The following NRXN3 variants were observed in gnomAD, a reference collection of about 807,000 sequenced individuals.
NRXN3 encodes the protein neurexin 3.
NRXN3 carries 32 observed loss-of-function variants against 137.6 expected under a neutral mutation model. The observed-to-expected ratio is 0.23, with a 90% CI of 0.18 to 0.31. The LOEUF (loss-of-function observed/expected upper bound fraction) is 0.31, where lower values mean the gene tolerates loss of function less well. Among genes scored for constraint, NRXN3 ranks in the 10% least tolerant of loss-of-function variants. The pLI, the probability that NRXN3 is intolerant of heterozygous loss-of-function variation, is 1.00. For synonymous variants in NRXN3, 798 were observed against 784.5 expected (o/e 1.02, Z -0.29); for missense variants, 1,574 against 2,062.5 (o/e 0.76, Z 4.59).
At chr14:79,588,776 T>A (rs2097780660) in intron 16 of NRXN3, among the ~76,000 whole-genome samples, 1 of 152,214 alleles carries the variant, frequency 6.6e-6, no homozygotes, top group Non-Finnish European at 1.5e-5. Context: ...TGAGTTTTCA[T>A]GTCTGTTTTT....
intron 10 of NRXN3, among the ~76,000 whole-genome samples, chr14:78,920,016 A>T (rs2099266728): frequency 6.6e-6 from 1 of 152,220 alleles, no homozygotes; most frequent in Non-Finnish European, 1.5e-5. Context: ...TGAAATAAAG[A>T]AGTTGAAATT....
intron 8 of NRXN3, among the ~76,000 whole-genome samples, chr14:78,723,454 T>C (rs2098469331): frequency 6.6e-6 from 1 of 152,236 alleles, no homozygotes; most frequent in Non-Finnish European, 1.5e-5. Flanking sequence ...TGCTTCTTCC[T>C]TTCTTCTGAG....
intron 19 of NRXN3, among the ~76,000 whole-genome samples, chr14:79,753,362 C>T (rs2099005666): frequency 1.3e-5 from 2 of 151,854 alleles, no homozygotes; most frequent in Admixed American, 1.3e-4. Context: ...AAATGTGGCA[C>T]ATATATACCA....
chr14:79,290,537 C>T (rs1315405109), intron 15 of NRXN3, among the ~76,000 whole-genome samples: 1 of 151,900 alleles, frequency 6.6e-6, no homozygotes, highest in Non-Finnish European at 1.5e-5. Context: ...GCAGCACAGT[C>T]AACTCATTTA....
intron 8 of NRXN3, among the ~76,000 whole-genome samples, chr14:78,771,549 G>A (rs2098728038): frequency 6.6e-6 from 1 of 152,194 alleles, no homozygotes; most frequent in Non-Finnish European, 1.5e-5. Context: ...CAGAATTGGG[G>A]AGGTAAAAAT....
chr14:78,990,682 G>A (rs2940743), intron 15 of NRXN3, among the ~76,000 whole-genome samples: 29,490 of 152,036 alleles, frequency 0.19, 7,995 homozygotes, highest in African/African-American at 0.61. Flanking sequence ...AGTGTGATAA[G>A]TATATAGAAT....
At chr14:78,501,974 A>G (rs562437256) in intron 4 of NRXN3, among the ~76,000 whole-genome samples, 178 of 152,262 alleles carry the variant, frequency 1.2e-3, no homozygotes, top group African/African-American at 4.0e-3. Context: ...CAGACCCTGG[A>G]TCTCCTATAA....
chr14:79,789,399 G>T (rs1305773058), intron 19 of NRXN3, among the ~76,000 whole-genome samples: 1 of 152,036 alleles, frequency 6.6e-6, no homozygotes. Context: ...CCCAAGAGAG[G>T]GTTCTTGGAT....
At chr14:78,492,232 G>T (rs1445484535) in intron 4 of NRXN3, among the ~76,000 whole-genome samples, 1 of 152,180 alleles carries the variant, frequency 6.6e-6, no homozygotes, top group Non-Finnish European at 1.5e-5. Context: ...GGGGCAGGTG[G>T]CTGTGCAGTG....
chr14:79,688,051 A>C (rs1332526074), intron 17 of NRXN3, among the ~76,000 whole-genome samples: 1 of 152,096 alleles, frequency 6.6e-6, no homozygotes, highest in Non-Finnish European at 1.5e-5. Flanking sequence ...CATCTTTTGA[A>C]TGAAGGACTG....
intron 15 of NRXN3, among the ~76,000 whole-genome samples, chr14:79,101,201 G>T (rs1439377947): frequency 6.6e-6 from 1 of 152,178 alleles, no homozygotes; most frequent in Admixed American, 6.5e-5. Context: ...GGCACTCAGG[G>T]CAGTGGTTTT....
intron 15 of NRXN3, among the ~76,000 whole-genome samples, chr14:79,208,935 AGTTTTTTT>A (rs950017598): frequency 6.8e-6 from 1 of 147,994 alleles, no homozygotes; most frequent in African/African-American, 2.5e-5. Flanking sequence ...TTTTGTGAAA[AGTTTTTTT>A]GTTTTTTTGT....
intron 8 of NRXN3, among the ~76,000 whole-genome samples, chr14:78,771,895 C>T (rs1225493495): frequency 6.6e-6 from 1 of 152,024 alleles, no homozygotes; most frequent in Non-Finnish European, 1.5e-5. Context: ...ATGCCTGGGA[C>T]CAGAAGTGTT....
intron 15 of NRXN3, among the ~76,000 whole-genome samples, chr14:79,265,825 G>C (rs1340745471): frequency 1.3e-5 from 2 of 152,136 alleles, no homozygotes; most frequent in Non-Finnish European, 2.9e-5. Context: ...TGCCTGCTGA[G>C]GGCTTCTGCC....
At chr14:78,831,830 T>C (rs1017028281) in intron 10 of NRXN3, among the ~76,000 whole-genome samples, 1 of 152,152 alleles carries the variant, frequency 6.6e-6, no homozygotes, top group Non-Finnish European at 1.5e-5. Flanking sequence ...CAGGATCACA[T>C]ATGAAATTCT....
At chr14:79,755,424 A>C (rs1439478590) in intron 19 of NRXN3, among the ~76,000 whole-genome samples, 1 of 151,934 alleles carries the variant, frequency 6.6e-6, no homozygotes, top group African/African-American at 2.4e-5. Context: ...ATTCCTCTAC[A>C]GTGTAAATCC....
chr14:79,103,530 T>C (rs551139676), intron 15 of NRXN3, among the ~76,000 whole-genome samples: 179 of 152,248 alleles, frequency 1.2e-3, no homozygotes, highest in Middle Eastern at 6.8e-3. Context: ...ATTCTAAATT[T>C]TGGCCTGGAG....
At chr14:79,796,168 A>C (rs539282111) in intron 19 of NRXN3, among the ~76,000 whole-genome samples, 81 of 152,310 alleles carry the variant, frequency 5.3e-4, no homozygotes, top group African/African-American at 1.9e-3. Flanking sequence ...TGTAATCAAC[A>C]GGCATCTGAT....
At chr14:79,389,234 G>A (rs1252692513) in intron 15 of NRXN3, among the ~76,000 whole-genome samples, 2 of 152,162 alleles carry the variant, frequency 1.3e-5, no homozygotes, top group African/African-American at 4.8e-5. Flanking sequence ...ATTTCTTATA[G>A]TTCTAGAGGC....
Sources: allele counts gnomAD v4.1 joint callset (sites outside exome capture counted in the v4.1 genomes callset), GRCh38; gene constraint gnomAD v4.1.1; transcripts MANE v1.5; gene names NCBI Gene and HGNC (gene_info 2026-07-23, HGNC 2026-07-21).